IL1RAPL2: variants seen among roughly 807,000 people sequenced by gnomAD.
IL1RAPL2 encodes the protein interleukin 1 receptor accessory protein like 2.
In IL1RAPL2, 3 loss-of-function variants were observed where a neutral mutation model predicts 44.1. That is an observed-to-expected ratio of 0.07 (90% CI 0.03 to 0.18). IL1RAPL2 has a LOEUF of 0.18. Among genes scored for constraint, IL1RAPL2 ranks in the 10% least tolerant of loss-of-function variants. The probability of loss-of-function intolerance (pLI) is 1.00; values close to 1 mark genes in which losing one functional copy is unlikely to be tolerated. For synonymous variants in IL1RAPL2, 181 were observed against 178.8 expected, an observed-to-expected ratio of 1.01 and a Z score of -0.10; for missense variants, 391 against 496.4, an observed-to-expected ratio of 0.79 and a Z score of 2.02.
chrX:104,992,478 G>A (rs1217218815), intron 2 of IL1RAPL2, among the ~76,000 whole-genome samples: 1 of 111,348 alleles, frequency 9.0e-6, no homozygotes, highest in Non-Finnish European at 1.9e-5. Context: ...ATGGTTGAAG[G>A]ACAGTGATTT....
chrX:104,852,788 A>T (rs1029803092), intron 2 of IL1RAPL2, among the ~76,000 whole-genome samples: 1 of 111,872 alleles, frequency 8.9e-6, no homozygotes, highest in Non-Finnish European at 1.9e-5. Flanking sequence ...AGGAGGATGG[A>T]CTTTTGTGCT....
At chrX:105,028,144 C>T (rs191013202) in intron 2 of IL1RAPL2, among the ~76,000 whole-genome samples, 264 of 110,779 alleles carry the variant, frequency 2.4e-3, no homozygotes, top group African/African-American at 7.3e-3. Context: ...AACTCATGGA[C>T]ATAGAGAGTA....
intron 5 of IL1RAPL2, among the ~76,000 whole-genome samples, chrX:105,376,813 A>G (rs972056430): frequency 1.8e-5 from 2 of 112,019 alleles, no homozygotes; most frequent in Non-Finnish European, 3.8e-5. Context: ...TGAAATTTGA[A>G]GTAATTTTGT....
At chrX:105,180,957 G>GT (rs1423799193) in intron 2 of IL1RAPL2, among the ~76,000 whole-genome samples, 12 of 111,755 alleles carry the variant, frequency 1.1e-4, no homozygotes, top group African/African-American at 3.9e-4. Flanking sequence ...AAATCTATCT[G>GT]TTCCTGGGGT....
intron 2 of IL1RAPL2, among the ~76,000 whole-genome samples, chrX:104,763,270 G>A (rs1464706041): frequency 8.9e-6 from 1 of 111,873 alleles, no homozygotes; most frequent in Non-Finnish European, 1.9e-5. Context: ...TCATCTCCAT[G>A]TGAGACCACC....
At chrX:104,785,963 CA>C (rs759140634) in intron 2 of IL1RAPL2, among the ~76,000 whole-genome samples, 1 of 112,124 alleles carries the variant, frequency 8.9e-6, no homozygotes, top group Admixed American at 9.5e-5. Flanking sequence ...TTGTTCACTT[CA>C]AACCCACCAG....
chrX:104,594,657 A>G (rs1159350914), intron 1 of IL1RAPL2, among the ~76,000 whole-genome samples: 1 of 112,326 alleles, frequency 8.9e-6, no homozygotes, highest in Non-Finnish European at 1.9e-5. Flanking sequence ...ATTACAACAT[A>G]TGATTGTTGC....
intron 3 of IL1RAPL2, among the ~76,000 whole-genome samples, chrX:105,222,712 G>A (rs1431124599): frequency 1.8e-5 from 2 of 112,241 alleles, no homozygotes; most frequent in Non-Finnish European, 3.8e-5. Context: ...GCATAGGGAT[G>A]TCAGGGACAA....
intron 2 of IL1RAPL2, among the ~76,000 whole-genome samples, chrX:105,025,506 G>T (rs1343472875): frequency 9.0e-6 from 1 of 111,294 alleles, no homozygotes; most frequent in Non-Finnish European, 1.9e-5. Context: ...GTTGAAAATT[G>T]TTACACATTT....
chrX:105,209,722 G>GA (rs1234586571), intron 3 of IL1RAPL2, among the ~76,000 whole-genome samples: 7 of 111,329 alleles, frequency 6.3e-5, no homozygotes, highest in African/African-American at 1.6e-4. Flanking sequence ...GACTTACAGA[G>GA]AAAAAAACTT....
chrX:105,524,717 A>G (rs911881323), intron 6 of IL1RAPL2, among the ~76,000 whole-genome samples: 3 of 110,870 alleles, frequency 2.7e-5, no homozygotes, highest in Non-Finnish European at 5.7e-5. Flanking sequence ...TACCAGGAAA[A>G]GAGACAATAT....
At chrX:104,877,490 C>A (rs1391585377) in intron 2 of IL1RAPL2, among the ~76,000 whole-genome samples, 1 of 112,198 alleles carries the variant, frequency 8.9e-6, no homozygotes, top group African/African-American at 3.2e-5. Context: ...GAGACACAAT[C>A]AAAAAAGAGA....
intron 2 of IL1RAPL2, among the ~76,000 whole-genome samples, chrX:105,104,951 T>C (rs1453451649): frequency 1.8e-5 from 2 of 112,086 alleles, no homozygotes; most frequent in Non-Finnish European, 3.8e-5. Flanking sequence ...AATAATATAT[T>C]TATTTTCTGT....
chrX:104,950,991 A>G (rs1925566352), intron 2 of IL1RAPL2, among the ~76,000 whole-genome samples: 1 of 110,798 alleles, frequency 9.0e-6, no homozygotes, highest in South Asian at 3.8e-4. Context: ...GAACTCCCTG[A>G]CCCCTTGCGC....
chrX:105,507,087 A>T (rs1022059911), intron 6 of IL1RAPL2, among the ~76,000 whole-genome samples: 31 of 111,679 alleles, frequency 2.8e-4, no homozygotes, highest in Non-Finnish European at 3.0e-4. Context: ...AAGTAAATGG[A>T]GCACCATCTT....
intron 5 of IL1RAPL2, among the ~76,000 whole-genome samples, chrX:105,383,096 G>A (rs1255563046): frequency 1.8e-5 from 2 of 108,548 alleles, no homozygotes; most frequent in Non-Finnish European, 3.8e-5. Context: ...TTGTGCACAT[G>A]TACCCTTAAA....
intron 2 of IL1RAPL2, among the ~76,000 whole-genome samples, chrX:104,928,411 T>A (rs1924822521): frequency 9.0e-6 from 1 of 111,255 alleles, no homozygotes; most frequent in African/African-American, 3.3e-5. Flanking sequence ...TTAGAACAAG[T>A]GCTTAGCAAC....
At chrX:104,942,359 G>A (rs1185204661) in intron 2 of IL1RAPL2, among the ~76,000 whole-genome samples, 22 of 111,552 alleles carry the variant, frequency 2.0e-4, no homozygotes, top group African/African-American at 6.5e-4. Flanking sequence ...ATTTGTTTGT[G>A]TCCTCTTTTA....
At chrX:105,472,440 A>G in intron 5 of IL1RAPL2, among the ~76,000 whole-genome samples, 1 of 111,520 alleles carries the variant, frequency 9.0e-6, no homozygotes, top group Admixed American at 9.5e-5. Flanking sequence ...AATTCCCAAG[A>G]TTTCCTATCT....
Sources: allele counts gnomAD v4.1 joint callset (sites outside exome capture counted in the v4.1 genomes callset), GRCh38; gene constraint gnomAD v4.1.1; transcripts MANE v1.5; gene names NCBI Gene and HGNC (gene_info 2026-07-23, HGNC 2026-07-21).